PLEK2: variants seen among roughly 807,000 people sequenced by gnomAD.
PLEK2 encodes the protein pleckstrin 2, also known as pleckstrin-2.
PLEK2 carries 29 observed loss-of-function variants against 43.8 expected under a neutral mutation model. The observed-to-expected ratio is 0.66, with a 90% confidence interval of 0.49 to 0.90. The LOEUF is 0.90. PLEK2 is among the 40% of genes least tolerant of loss of function. The pLI, the probability that PLEK2 is intolerant of heterozygous loss-of-function variation, is 0.00. For synonymous variants in PLEK2, 162 were observed against 173.2 expected (o/e 0.94, Z 0.51); for missense variants, 398 against 448.1 (o/e 0.89, Z 1.01).
intron 1 of PLEK2, among the ~76,000 whole-genome samples, chr14:67,410,800 A>G (rs2086110721): frequency 6.6e-6 from 1 of 152,124 alleles, no homozygotes; most frequent in South Asian, 2.1e-4. Context: ...CTGGATTTAT[A>G]TGTCTCTTTG....
intron 3 of PLEK2, among the ~76,000 whole-genome samples, chr14:67,393,692 G>A (rs2085986198): frequency 6.6e-6 from 1 of 152,144 alleles, no homozygotes; most frequent in South Asian, 2.1e-4. Context: ...GACCTCAAGT[G>A]ATCCGCCTGC....
chr14:67,394,535 G>A (rs1053619785), intron 3 of PLEK2, among the ~76,000 whole-genome samples: 7 of 152,114 alleles, frequency 4.6e-5, no homozygotes, highest in Non-Finnish European at 8.8e-5. Context: ...TTTATCTGCA[G>A]CTGATCCTCC....
At chr14:67,387,534 A>G (rs2085935711) in intron 8 of PLEK2, 78 bp from the exon 9 acceptor site, 3 of 1,438,528 alleles carry the variant, frequency 2.1e-6, no homozygotes, top group Non-Finnish European at 2.9e-6. Context: ...CAGAAAGTCA[A>G]CTGAGACATG....
At chr14:67,392,059 GT>G (rs1384578227) in intron 6 of PLEK2, among the ~76,000 whole-genome samples, 1 of 152,148 alleles carries the variant, frequency 6.6e-6, no homozygotes, top group Non-Finnish European at 1.5e-5. Context: ...TGTAGAAGTT[GT>G]TTTTTGATGT....
At chr14:67,404,653 T>TA (rs1315116463) in intron 1 of PLEK2, among the ~76,000 whole-genome samples, 2 of 150,986 alleles carry the variant, frequency 1.3e-5, no homozygotes, top group Admixed American at 6.6e-5. Context: ...CTACAAATAA[T>TA]AAAAAAATTA....
chr14:67,388,624 G>C (rs1237287634), intron 7 of PLEK2, among the ~76,000 whole-genome samples: 1 of 152,104 alleles, frequency 6.6e-6, no homozygotes, highest in East Asian at 1.9e-4. Context: ...ACATTCACTG[G>C]CTTCCTTAAC....
chr14:67,392,751 T>G lies in PLEK2; in HGVS notation c.580A>C (p.Arg194=), dbSNP rs1595655744. ...ASMLMEENFL[R]PVGVRSMGAI... ...CCCATGCTTCGGACACCCACAGGCC[T>G]GAGGAAGTTCTCCTCCATGAGCATG... Residue 194 remains arginine (R), a synonymous_variant, in exon 5 of 9, where the codon AGG becomes CGG. Transcript: ENST00000216446. 6.2e-7 allele frequency: 1 copy of G among 1,614,130 alleles called. No individual in the cohort carries two copies. Among genetic ancestry groups the G allele is most frequent in the African/African-American group, 1.3e-5 (1 of 75,066 alleles).
chr14:67,389,964 G>C (rs1440557088), intron 7 of PLEK2, among the ~76,000 whole-genome samples: 1 of 151,972 alleles, frequency 6.6e-6, no homozygotes, highest in Non-Finnish European at 1.5e-5. Flanking sequence ...GGCCTAGCTG[G>C]GTCCAGGCAG....
At chr14:67,393,897 A>C (rs1239970698) in intron 3 of PLEK2, among the ~76,000 whole-genome samples, 1 of 152,178 alleles carries the variant, frequency 6.6e-6, no homozygotes, top group Non-Finnish European at 1.5e-5. Flanking sequence ...TTTCCCAAAA[A>C]AGCTTGCTAT....
chr14:67,392,913 A>C, intron 4 of PLEK2, 64 bp from the exon 5 acceptor site: 1 of 1,380,230 alleles, frequency 7.2e-7, no homozygotes. Flanking sequence ...GTGTGTGGCC[A>C]ATGACCTCAC....
intron 1 of PLEK2, among the ~76,000 whole-genome samples, chr14:67,406,780 C>A (rs1049298877): frequency 6.6e-6 from 1 of 152,172 alleles, no homozygotes; most frequent in Non-Finnish European, 1.5e-5. Flanking sequence ...TACAGATAAA[C>A]CACACCATGC....
chr14:67,411,416 A>T (rs2086114251), intron 1 of PLEK2, among the ~76,000 whole-genome samples: 1 of 152,072 alleles, frequency 6.6e-6, no homozygotes, highest in South Asian at 2.1e-4. Flanking sequence ...GAGTGATGTC[A>T]GTACCCACCG....
chr14:67,388,411 A>T (rs563732377), intron 7 of PLEK2, 109 bp from the exon 8 acceptor site: 1 of 727,176 alleles, frequency 1.4e-6, no homozygotes, highest in African/African-American at 1.7e-5. Context: ...AATCATTTGT[A>T]ATAGAAGATG....
At position 67,387,203 on chromosome 14, in the gene PLEK2, G is replaced by T; in HGVS notation, c.*126C>A. 1.2e-6 allele frequency: 1 copy of T among 828,374 alleles called. No individual in the cohort carries two copies. Among genetic ancestry groups the T allele is most frequent in the Non-Finnish European group, 1.8e-6 (1 of 548,346 alleles). The allele number at this position is 828,374 out of a possible 1,614,324, so 51.3% of individuals were successfully genotyped here. ...TTTGTAATCTGAGGAACTCTTGGCAGCATTCACTCTCCAAAGCAGTACAAA... is the reference window on the plus strand; with the variant it reads ...TTTGTAATCTGAGGAACTCTTGGCATCATTCACTCTCCAAAGCAGTACAAA... On this transcript the variant is annotated 3_prime_UTR_variant, in exon 9 of 9. Coordinates refer to ENST00000216446, the MANE Select transcript of PLEK2 (RefSeq NM_016445.3).
rs1227739417 is a variant in PLEK2 at position 67,393,049 on chromosome 14, G to A, written c.481+101C>T. ...CTCAGGCTAGCCTGTTGCCCAGCAG[G>A]CAGCTCTGACCTCAATACAGGGCGG... On this transcript the variant is annotated intron_variant, in intron 4 of 8. Coordinates refer to ENST00000216446, the MANE Select transcript of PLEK2 (RefSeq NM_016445.3). 8 of 991,188 alleles carry A rather than the reference G, an allele frequency of 8.1e-6. No individual in the cohort carries two copies. The African/African-American group carries it at 1.3e-4, about 16-fold the overall frequency. The allele number at this position is 991,188 out of a possible 1,614,324, so 61.4% of individuals were successfully genotyped here. A position where few individuals can be genotyped will look rare whatever the true frequency, so the allele number is the denominator to read the frequency against.
intron 1 of PLEK2, among the ~76,000 whole-genome samples, chr14:67,404,852 TA>T (rs2086069099): frequency 1.3e-5 from 2 of 152,058 alleles, no homozygotes; most frequent in South Asian, 4.1e-4. Flanking sequence ...AATACTTATG[TA>T]TTTCTTGTAG....
chr14:67,410,983 A>G (rs77871399), intron 1 of PLEK2, among the ~76,000 whole-genome samples: 12,341 of 151,824 alleles, frequency 0.081, 1,300 homozygotes, highest in East Asian at 0.42. Flanking sequence ...CTGTCTCCAC[A>G]AAAAAATACA....
At chr14:67,392,894 G>A (rs751300734) in intron 4 of PLEK2, 45 bp from the exon 5 acceptor site, 25 of 1,494,148 alleles carry the variant, frequency 1.7e-5, no homozygotes, top group East Asian at 1.4e-4. Flanking sequence ...ATGGACCAGC[G>A]TCCTTGGGGT....
chr14:67,401,667 T>C (rs1024323755), intron 1 of PLEK2, among the ~76,000 whole-genome samples: 1 of 152,170 alleles, frequency 6.6e-6, no homozygotes, highest in African/African-American at 2.4e-5. Flanking sequence ...ACCTTGATAT[T>C]GGACTTCTAT....
Sources: gnomAD v4.1 joint callset for allele counts (sites outside exome capture counted in the v4.1 genomes callset) on GRCh38, gnomAD v4.1.1 for gene constraint, MANE v1.5 for transcripts, NCBI Gene and HGNC (gene_info 2026-07-23, HGNC 2026-07-21) for gene names.